The following TASP1 variants were observed in gnomAD, a reference collection of about 807,000 sequenced individuals.
The protein encoded by TASP1 is taspase 1.
Under a neutral mutation model 56.6 loss-of-function variants are expected in TASP1, and 16 were observed. The ratio of observed to expected loss-of-function variants is 0.28; its 90% CI spans 0.19 to 0.43. The LOEUF is 0.43. Ranked by LOEUF, TASP1 falls within the 20% of genes least tolerant of loss-of-function variation. TASP1 has a pLI of 1.00. For synonymous variants in TASP1, 179 were observed against 184.2 expected, an observed-to-expected ratio of 0.97 and a Z score of 0.23; for missense variants, 393 against 511.6, an observed-to-expected ratio of 0.77 and a Z score of 2.24.
At chr20:13,453,110 G>C (rs565407642) in intron 11 of TASP1, among the ~76,000 whole-genome samples, 1 of 152,082 alleles carries the variant, frequency 6.6e-6, no homozygotes, top group South Asian at 2.1e-4. Flanking sequence ...GAAGTCCAAG[G>C]GACAATAATG....
chr20:13,159,401 C>G, the TASP1 span, among the ~76,000 whole-genome samples: 1 of 152,076 alleles, frequency 6.6e-6, no homozygotes, highest in South Asian at 2.1e-4. Flanking sequence ...ATCAGGAGAC[C>G]TTGCTATTTC....
chr20:13,158,590 C>T, the TASP1 span, among the ~76,000 whole-genome samples: 134 of 152,186 alleles, frequency 8.8e-4, no homozygotes, highest in Non-Finnish European at 1.7e-3. Context: ...TGTGCAGTTC[C>T]GTGGGCAGCC....
the TASP1 span, among the ~76,000 whole-genome samples, chr20:13,211,342 T>C: frequency 6.6e-6 from 1 of 152,170 alleles, no homozygotes; most frequent in Non-Finnish European, 1.5e-5. Flanking sequence ...ATAATCATCA[T>C]AACCTCAATT....
the TASP1 span, among the ~76,000 whole-genome samples, chr20:13,314,774 T>C: frequency 6.6e-6 from 1 of 152,128 alleles, no homozygotes; most frequent in Non-Finnish European, 1.5e-5. Flanking sequence ...TAACAGTGTG[T>C]TCAAAATAAT....
At chr20:13,276,856 C>G in the TASP1 span, among the ~76,000 whole-genome samples, 1 of 152,178 alleles carries the variant, frequency 6.6e-6, no homozygotes, top group Non-Finnish European at 1.5e-5. Context: ...AATTGGATGC[C>G]TATGAAACCT....
chr20:13,213,187 T>TAA, the TASP1 span, among the ~76,000 whole-genome samples: 5 of 151,294 alleles, frequency 3.3e-5, no homozygotes, highest in African/African-American at 9.7e-5. Context: ...CTTTAGTTAT[T>TAA]AAAAAAAAAG....
At chr20:13,118,214 T>C in the TASP1 span, among the ~76,000 whole-genome samples, 3 of 152,100 alleles carry the variant, frequency 2.0e-5, no homozygotes, top group South Asian at 6.2e-4. Flanking sequence ...GCTGACCCTA[T>C]GCTACAAGTT....
chr20:13,220,953 C>CG, the TASP1 span, among the ~76,000 whole-genome samples: 2 of 152,178 alleles, frequency 1.3e-5, no homozygotes, highest in African/African-American at 4.8e-5. Context: ...ACAGCGACCT[C>CG]GGCAGCGGGC....
intron 10 of TASP1, among the ~76,000 whole-genome samples, chr20:13,519,041 T>C (rs1209716161): frequency 6.6e-6 from 1 of 152,060 alleles, no homozygotes; most frequent in African/African-American, 2.4e-5. Context: ...ATGGATGTAG[T>C]TGGAGGTCAT....
intron 11 of TASP1, among the ~76,000 whole-genome samples, chr20:13,472,825 T>TCAA (rs1365929289): frequency 1.3e-5 from 2 of 150,964 alleles, no homozygotes; most frequent in African/African-American, 4.9e-5. Context: ...CATTAAAAAG[T>TCAA]CAGGAAACAA....
At chr20:13,636,439 C>A (rs2049313716) in intron 1 of TASP1, among the ~76,000 whole-genome samples, 1 of 151,248 alleles carries the variant, frequency 6.6e-6, no homozygotes, top group African/African-American at 2.4e-5. Context: ...GGATTACAGG[C>A]GTGAGCCACC....
At chr20:13,132,736 T>C in the TASP1 span, 1 of 152,196 alleles carries the variant, frequency 6.6e-6, no homozygotes, top group Admixed American at 6.5e-5. Flanking sequence ...TCCCTTTCCA[T>C]CTTCTAAAGA....
chr20:13,377,604 G>A, the TASP1 span, among the ~76,000 whole-genome samples: 68 of 152,302 alleles, frequency 4.5e-4, no homozygotes, highest in African/African-American at 1.6e-3. Flanking sequence ...AGTTAGGGAG[G>A]ATTCCCTCTT....
At chr20:13,403,549 C>G (rs1192095790) in intron 13 of TASP1, among the ~76,000 whole-genome samples, 1 of 152,154 alleles carries the variant, frequency 6.6e-6, no homozygotes, top group Non-Finnish European at 1.5e-5. Context: ...ATCAAAGCAT[C>G]AATAGATGAG....
At chr20:13,128,380 T>A in the TASP1 span, among the ~76,000 whole-genome samples, 11 of 149,806 alleles carry the variant, frequency 7.3e-5, 1 homozygote, top group Admixed American at 2.0e-4. Context: ...AACCAAGGTA[T>A]TTCTTGTTTG....
At chr20:13,447,824 T>C (rs2043466865) in intron 11 of TASP1, among the ~76,000 whole-genome samples, 1 of 152,110 alleles carries the variant, frequency 6.6e-6, no homozygotes, top group South Asian at 2.1e-4. Flanking sequence ...ATTGGGTACT[T>C]GTATTTTTTT....
At chr20:13,489,088 C>A (rs1227371326) in intron 10 of TASP1, among the ~76,000 whole-genome samples, 2 of 152,126 alleles carry the variant, frequency 1.3e-5, no homozygotes, top group African/African-American at 4.8e-5. Flanking sequence ...ATAGGTCATA[C>A]CTGCATCACC....
the TASP1 span, among the ~76,000 whole-genome samples, chr20:13,282,712 AGTC>A: frequency 6.6e-6 from 1 of 152,240 alleles, no homozygotes; most frequent in Non-Finnish European, 1.5e-5. Context: ...TTATAAATAA[AGTC>A]GTGTTCTGTG....
chr20:13,467,742 T>C (rs547118824), intron 11 of TASP1, among the ~76,000 whole-genome samples: 1 of 152,178 alleles, frequency 6.6e-6, no homozygotes, highest in South Asian at 2.1e-4. Context: ...CACGGCCAGG[T>C]GCAGTGGCTC....
Sources: gnomAD v4.1 joint callset for allele counts (sites outside exome capture counted in the v4.1 genomes callset) on GRCh38, gnomAD v4.1.1 for gene constraint, MANE v1.5 for transcripts, NCBI Gene and HGNC (gene_info 2026-07-23, HGNC 2026-07-21) for gene names.